CSMD1: variants seen among roughly 807,000 people sequenced by gnomAD.
CSMD1 encodes CUB and Sushi multiple domains 1, also known as CUB and sushi domain-containing protein 1.
CSMD1 carries 213 observed loss-of-function variants against 417.5 expected under a neutral mutation model. The ratio of observed to expected loss-of-function variants is 0.51; its 90% CI spans 0.46 to 0.57. The LOEUF is 0.57. Ranked by LOEUF, CSMD1 falls within the 20% of genes least tolerant of loss-of-function variation. CSMD1 has a pLI of 0.00. For missense variants in CSMD1, 6,923 were observed against 4,529.7 expected (o/e 1.53, Z -15.17); for synonymous variants, 2,862 against 1,736.8 (o/e 1.65, Z -16.11).
chr8:3,251,093 T>G (rs2117031518), intron 26 of CSMD1, among the ~76,000 whole-genome samples: 1 of 152,246 alleles, frequency 6.6e-6, no homozygotes, highest in East Asian at 1.9e-4. Context: ...CAATTTTGGG[T>G]TTTGTTGCCA....
At chr8:3,658,564 C>G (rs1798246196) in intron 7 of CSMD1, among the ~76,000 whole-genome samples, 1 of 151,564 alleles carries the variant, frequency 6.6e-6, no homozygotes, top group African/African-American at 2.4e-5. Flanking sequence ...AGGTGGATGA[C>G]TTGAGGTCAG....
At chr8:4,659,590 T>A (rs1804454575) in intron 1 of CSMD1, among the ~76,000 whole-genome samples, 1 of 152,042 alleles carries the variant, frequency 6.6e-6, no homozygotes, top group Non-Finnish European at 1.5e-5. Context: ...AAGAGTTATA[T>A]CCATAGACAC....
intron 5 of CSMD1, among the ~76,000 whole-genome samples, chr8:3,872,847 AAAAAGAAAG>A (rs1463987556): frequency 1.3e-5 from 2 of 152,082 alleles, no homozygotes; most frequent in Non-Finnish European, 1.5e-5. Flanking sequence ...TCCAAAAAAA[AAAAAGAAAG>A]AAAAAAGAAA....
intron 1 of CSMD1, among the ~76,000 whole-genome samples, chr8:4,946,745 G>C (rs571279435): frequency 3.3e-5 from 5 of 152,294 alleles, no homozygotes; most frequent in African/African-American, 7.2e-5. Flanking sequence ...TTCAGCATCA[G>C]TAGGTTCAGT....
At chr8:3,532,016 G>A (rs142477638) in intron 10 of CSMD1, among the ~76,000 whole-genome samples, 2 of 152,148 alleles carry the variant, frequency 1.3e-5, no homozygotes, top group Non-Finnish European at 2.9e-5. Flanking sequence ...TGGCACACCT[G>A]GTCCTAAACA....
At chr8:2,941,944 G>A (rs932266801) in intron 69 of CSMD1, among the ~76,000 whole-genome samples, 2 of 152,012 alleles carry the variant, frequency 1.3e-5, no homozygotes, top group Non-Finnish European at 2.9e-5. Context: ...TCTTTCAATT[G>A]AACATGAAAG....
At position 3,690,524 on chromosome 8, in the gene CSMD1, G is replaced by C. The variant is rs75386770; in HGVS notation, c.1009+17890C>G. 2.6e-3 allele frequency among the ~76,000 whole-genome samples: 397 copies of C among 152,336 alleles called. 1 individual carries two copies. The highest frequency in any genetic ancestry group is 9.2e-3 in the African/African-American group (381 of 41,578). ...CTAACTAGGGGACGCCTCCCAAATA[G>C]ACTGTTAGTCATCATCTACTTTTCA... On this transcript the variant is annotated intron_variant, in intron 7 of 69. Transcript: ENST00000635120.
At chr8:4,164,184 T>C (rs1584939955) in intron 3 of CSMD1, among the ~76,000 whole-genome samples, 3 of 129,534 alleles carry the variant, frequency 2.3e-5, no homozygotes, top group South Asian at 2.7e-4. Context: ...AAGGAATTAA[T>C]ACAGGATTTT....
chr8:2,988,331 C>T (rs560107348), intron 54 of CSMD1, among the ~76,000 whole-genome samples: 1 of 151,670 alleles, frequency 6.6e-6, no homozygotes, highest in Non-Finnish European at 1.5e-5. Context: ...GTCTAAACAC[C>T]CAATCCTATA....
intron 2 of CSMD1, among the ~76,000 whole-genome samples, chr8:4,475,398 A>G (rs1800744750): frequency 6.6e-6 from 1 of 152,154 alleles, no homozygotes; most frequent in East Asian, 1.9e-4. Flanking sequence ...TATGATCCTG[A>G]AAACTTGTTG....
chr8:4,158,345 G>A (rs1052372184), intron 3 of CSMD1, among the ~76,000 whole-genome samples: 16 of 151,920 alleles, frequency 1.1e-4, no homozygotes, highest in Non-Finnish European at 2.2e-4. Flanking sequence ...AAAATACATT[G>A]CAAAGAAAAC....
At chr8:3,297,712 T>A (rs1804071499) in intron 25 of CSMD1, among the ~76,000 whole-genome samples, 1 of 152,198 alleles carries the variant, frequency 6.6e-6, no homozygotes, top group African/African-American at 2.4e-5. Flanking sequence ...GAAGAAAACC[T>A]AAGATAATAT....
chr8:3,277,003 C>G lies in CSMD1; in HGVS notation c.4153+7141G>C, dbSNP rs552998825. On this transcript the variant is annotated intron_variant, in intron 26 of 69. Coordinates refer to ENST00000635120, the MANE Select transcript of CSMD1 (RefSeq NM_033225.6). ...GGACTGGAAGTGACAATGTGATTGT[C>G]TTCGCTAAAGAAACCTTTGAATGTG... 5.3e-5 allele frequency among the ~76,000 whole-genome samples: 8 copies of G among 152,188 alleles called. No individual in the cohort carries two copies. The South Asian group carries it at 1.7e-3, about 32-fold the overall frequency.
At chr8:3,807,751 C>T (rs970840338) in intron 5 of CSMD1, among the ~76,000 whole-genome samples, 1 of 152,044 alleles carries the variant, frequency 6.6e-6, no homozygotes, top group African/African-American at 2.4e-5. Context: ...CATCTTTAGT[C>T]ATCTATTTTT....
At chr8:3,280,431 C>G (rs1304484078) in intron 26 of CSMD1, among the ~76,000 whole-genome samples, 2 of 152,166 alleles carry the variant, frequency 1.3e-5, no homozygotes, top group Non-Finnish European at 2.9e-5. Flanking sequence ...TTGTACCACT[C>G]TAAGTTTTTA....
At chr8:4,241,792 G>A (rs1375980940) in intron 3 of CSMD1, among the ~76,000 whole-genome samples, 2 of 150,868 alleles carry the variant, frequency 1.3e-5, no homozygotes, top group Non-Finnish European at 2.9e-5. Flanking sequence ...CTCACTACAA[G>A]CTCCACCTCC....
chr8:4,482,571 T>C (rs1207176009), intron 2 of CSMD1, among the ~76,000 whole-genome samples: 2 of 152,226 alleles, frequency 1.3e-5, no homozygotes, highest in Non-Finnish European at 2.9e-5. Context: ...TGCACGTGTC[T>C]TTGTGGTAGA....
At chr8:4,322,952 C>G (rs1799350575) in intron 3 of CSMD1, among the ~76,000 whole-genome samples, 1 of 152,128 alleles carries the variant, frequency 6.6e-6, no homozygotes, top group African/African-American at 2.4e-5. Flanking sequence ...GCCCCTGCAA[C>G]CCAGCCTGGG....
intron 7 of CSMD1, among the ~76,000 whole-genome samples, chr8:3,707,686 G>A (rs767275391): frequency 6.6e-6 from 1 of 151,746 alleles, no homozygotes; most frequent in Non-Finnish European, 1.5e-5. Context: ...GAGAAAGAAG[G>A]GTCTGCATAG....
Sources: gnomAD v4.1 joint callset for allele counts (sites outside exome capture counted in the v4.1 genomes callset) on GRCh38, gnomAD v4.1.1 for gene constraint, MANE v1.5 for transcripts, NCBI Gene and HGNC (gene_info 2026-07-23, HGNC 2026-07-21) for gene names.